Variants in KCTD8 observed in about 807,000 individuals in gnomAD.
The protein encoded by KCTD8 is BTB/POZ domain-containing protein KCTD8.
A neutral mutation model predicts 31.5 loss-of-function variants in KCTD8; 27 were observed. The observed-to-expected ratio is 0.86, with a 90% CI of 0.63 to 1.18. The LOEUF (loss-of-function observed/expected upper bound fraction) is 1.18, where lower values mean the gene tolerates loss of function less well. Ranked by LOEUF, KCTD8 falls within the 50% of genes most tolerant of loss-of-function variation. The probability of loss-of-function intolerance (pLI) is 0.00; values close to 1 mark genes in which losing one functional copy is unlikely to be tolerated. For missense variants in KCTD8, 658 were observed against 647.7 expected (o/e 1.02, Z -0.17); for synonymous variants, 290 against 280.0 (o/e 1.04, Z -0.36).
At chr4:44,262,296 T>C (rs562081403) in intron 1 of KCTD8, among the ~76,000 whole-genome samples, 1 of 152,072 alleles carries the variant, frequency 6.6e-6, no homozygotes, top group South Asian at 2.1e-4. Context: ...TATTTCAAAG[T>C]ATTTTCTCAA....
intron 1 of KCTD8, among the ~76,000 whole-genome samples, chr4:44,409,312 C>T (rs556030358): frequency 6.6e-6 from 1 of 151,976 alleles, no homozygotes; most frequent in Non-Finnish European, 1.5e-5. Context: ...CAGGGAATGA[C>T]ATTTTTTATA....
chr4:44,286,673 T>C (rs1717083556), intron 1 of KCTD8, among the ~76,000 whole-genome samples: 1 of 152,170 alleles, frequency 6.6e-6, no homozygotes, highest in Non-Finnish European at 1.5e-5. Flanking sequence ...CTTGATTTTA[T>C]GCCACTGGGA....
intron 1 of KCTD8, among the ~76,000 whole-genome samples, chr4:44,418,781 A>G (rs1214001264): frequency 6.6e-6 from 1 of 152,222 alleles, no homozygotes; most frequent in African/African-American, 2.4e-5. Flanking sequence ...TGGTAAAAAC[A>G]GATACTATGC....
chr4:44,323,647 TG>T (rs1365300154), intron 1 of KCTD8, among the ~76,000 whole-genome samples: 1 of 151,922 alleles, frequency 6.6e-6, no homozygotes, highest in Non-Finnish European at 1.5e-5. Context: ...TGAGAGCTGC[TG>T]GAAAAATGAA....
intron 1 of KCTD8, among the ~76,000 whole-genome samples, chr4:44,183,748 T>C (rs1236447199): frequency 6.6e-6 from 1 of 152,058 alleles, no homozygotes; most frequent in Non-Finnish European, 1.5e-5. Context: ...CAGCTGCACA[T>C]TTGAAAAAAA....
At chr4:44,404,472 A>T (rs1720738102) in intron 1 of KCTD8, among the ~76,000 whole-genome samples, 1 of 152,214 alleles carries the variant, frequency 6.6e-6, no homozygotes, top group Admixed American at 6.5e-5. Context: ...GAACAACTAA[A>T]TATGACATTT....
At chr4:44,325,942 A>C (rs1374191622) in intron 1 of KCTD8, among the ~76,000 whole-genome samples, 1 of 151,922 alleles carries the variant, frequency 6.6e-6, no homozygotes, top group Non-Finnish European at 1.5e-5. Context: ...GTTAAGAAAA[A>C]ATTTAAACTT....
intron 1 of KCTD8, among the ~76,000 whole-genome samples, chr4:44,285,515 A>T (rs1223490128): frequency 6.6e-6 from 1 of 152,084 alleles, no homozygotes; most frequent in Admixed American, 6.6e-5. Context: ...AGAAATACCA[A>T]ATGTAGGTGA....
chr4:44,393,110 T>C (rs1160125251), intron 1 of KCTD8, among the ~76,000 whole-genome samples: 1 of 151,858 alleles, frequency 6.6e-6, no homozygotes, highest in Non-Finnish European at 1.5e-5. Context: ...AATAGCAGAG[T>C]TGTACTCCTT....
At chr4:44,370,204 G>T (rs1200952054) in intron 1 of KCTD8, among the ~76,000 whole-genome samples, 1 of 152,080 alleles carries the variant, frequency 6.6e-6, no homozygotes, top group Non-Finnish European at 1.5e-5. Flanking sequence ...CAGAGAAAAT[G>T]GGGTTACTTC....
intron 1 of KCTD8, 101 bp downstream of exon 1, chr4:44,447,462 C>A: frequency 7.0e-7 from 1 of 1,425,614 alleles, no homozygotes; most frequent in Non-Finnish European, 9.1e-7. Flanking sequence ...TTAACCAGCG[C>A]CTGCCCCGGA....
intron 1 of KCTD8, among the ~76,000 whole-genome samples, chr4:44,213,973 C>G (rs1714568844): frequency 1.3e-5 from 2 of 152,144 alleles, no homozygotes; most frequent in Admixed American, 6.5e-5. Flanking sequence ...AGAAAGAGAA[C>G]AAGTCTCAGC....
chr4:44,345,915 G>A (rs961364372), intron 1 of KCTD8, among the ~76,000 whole-genome samples: 4 of 151,752 alleles, frequency 2.6e-5, no homozygotes, highest in African/African-American at 9.7e-5. Flanking sequence ...AAATAGAAAA[G>A]GCTGCACTCT....
intron 1 of KCTD8, among the ~76,000 whole-genome samples, chr4:44,331,508 T>C (rs1174071368): frequency 2.0e-5 from 3 of 151,824 alleles, no homozygotes; most frequent in South Asian, 2.1e-4. Context: ...AGATAGGTTG[T>C]TAACAAGAAG....
chr4:44,393,666 T>C (rs1720425378), intron 1 of KCTD8, among the ~76,000 whole-genome samples: 1 of 151,812 alleles, frequency 6.6e-6, no homozygotes, highest in South Asian at 2.1e-4. Context: ...GAATGGTAGT[T>C]ATCAGAATAT....
chr4:44,330,680 C>T (rs1577619759), intron 1 of KCTD8, among the ~76,000 whole-genome samples: 2 of 151,746 alleles, frequency 1.3e-5, no homozygotes, highest in South Asian at 2.1e-4. Flanking sequence ...TTCTGAGCCT[C>T]GGTGAATATG....
chr4:44,379,120 A>T (rs1022540031), intron 1 of KCTD8, among the ~76,000 whole-genome samples: 1 of 152,024 alleles, frequency 6.6e-6, no homozygotes, highest in Non-Finnish European at 1.5e-5. Flanking sequence ...CCATCTCAAG[A>T]TCCTTAACTT....
chr4:44,174,646 A>G lies in KCTD8; in HGVS notation c.*144T>C. 1.8e-6 allele frequency: 1 copy of G among 557,066 alleles called. No homozygotes were observed. Among genetic ancestry groups the G allele is most frequent in the Non-Finnish European group, 3.0e-6 (1 of 334,400 alleles). 34.5% of individuals were successfully genotyped at this position (557,066 alleles called of 1,614,324 possible). On this transcript the variant is annotated 3_prime_UTR_variant, in exon 2 of 2. Coordinates refer to ENST00000360029, the MANE Select transcript of KCTD8 (RefSeq NM_198353.3). ...CTAAAAAGAACAACAACTAAAACAT[A>G]AAAGAAAATACTGTCCCACATCCAC...
At chr4:44,185,231 A>T (rs1713549038) in intron 1 of KCTD8, among the ~76,000 whole-genome samples, 1 of 152,042 alleles carries the variant, frequency 6.6e-6, no homozygotes, top group Admixed American at 6.6e-5. Context: ...AACACTTGTC[A>T]TGTCTTATCA....
Sources: gnomAD v4.1 joint callset for allele counts (sites outside exome capture counted in the v4.1 genomes callset) on GRCh38, gnomAD v4.1.1 for gene constraint, MANE v1.5 for transcripts, NCBI Gene and HGNC (gene_info 2026-07-23, HGNC 2026-07-21) for gene names.